Variants in EEF2 observed in about 807,000 individuals in gnomAD.
EEF2 encodes the protein eukaryotic translation elongation factor 2, also known as elongation factor 2.
EEF2 carries 21 observed loss-of-function variants against 85.3 expected under a neutral mutation model. That is an observed-to-expected ratio of 0.25 (90% CI 0.17 to 0.35). The LOEUF (loss-of-function observed/expected upper bound fraction) is 0.35, where lower values mean the gene tolerates loss of function less well. Among genes scored for constraint, EEF2 ranks in the 10% least tolerant of loss-of-function variants. EEF2 has a pLI of 1.00. For synonymous variants in EEF2, 723 were observed against 508.8 expected (o/e 1.42, Z -5.67); for missense variants, 825 against 1,225.3 (o/e 0.67, Z 4.88).
Position 3,978,079 on chromosome 19 carries a change from A to G in EEF2, c.1807T>C (p.Tyr603His), listed in dbSNP as rs966389526. ...SKSPNKHNRL[Y>H]MKARPFPDGL... ...TCGGGGAAGGGCCGCGCCTTCATGT[A>G]CAGCCGGTTGTGCTTGTTGGGGGAC... Residue 603 changes from tyrosine to histidine, a missense_variant, in exon 12 of 15, where the codon TAC (tyrosine) becomes CAC (histidine). By Grantham distance (83) the Tyr-to-His change is moderately conservative. Coordinates refer to ENST00000309311, the MANE Select transcript of EEF2 (RefSeq NM_001961.4). The G allele has an allele frequency of 3.8e-6, 6 of 1,558,836 alleles. No homozygotes were observed. Among genetic ancestry groups the G allele is most frequent in the Non-Finnish European group, 5.2e-6 (6 of 1,146,780 alleles).
At position 3,982,889 on chromosome 19, in the gene EEF2, G is replaced by A; in HGVS notation, c.530C>T (p.Thr177Ile). 1 of 1,613,736 alleles carries A rather than the reference G, an allele frequency of 6.2e-7. No individual in the cohort carries two copies. The highest frequency in any genetic ancestry group is 1.1e-5 in the South Asian group (1 of 91,070). Residue 177 changes from threonine (T) to isoleucine (I), a missense_variant, in exon 4 of 15, where the codon ACT (threonine) becomes ATT (isoleucine). Thr to Ile is a moderately conservative substitution (Grantham distance 89). Transcript: ENST00000309311. ...LQLEPEELYQ[T>I]FQRIVENVNV... ...CACGTTCTCCACGATGCGCTGGAAA[G>A]TCTGGTAGAGCTCCTCGGGCTCCAG...
intron 14 of EEF2, 107 bp from the exon 15 acceptor site, chr19:3,976,854 G>T: frequency 7.8e-7 from 1 of 1,274,288 alleles, no homozygotes; most frequent in Non-Finnish European, 1.1e-6. Flanking sequence ...TCACCCTGCA[G>T]ACCAGACACT....
chr19:3,984,318 G>T lies in EEF2; in HGVS notation c.36C>A (p.Ile12=), dbSNP rs1310643640. 1 of 1,614,212 alleles carries T rather than the reference G, an allele frequency of 6.2e-7. No individual in the cohort carries two copies. The highest frequency in any genetic ancestry group is 1.7e-5 in the Admixed American group (1 of 60,030). Residue 12 remains isoleucine (I), a synonymous_variant, in exon 2 of 15, where the codon ATC becomes ATA. Coordinates refer to ENST00000309311, the MANE Select transcript of EEF2 (RefSeq NM_001961.4). ...TGCGGATGTTGGCCTTCTTGTCCAT[G>T]ATGGCGCGGATCTGGTCTACCGTGA... ...VNFTVDQIRA[I]MDKKANIRNM...
chr19:3,982,895 T>C lies in EEF2; in HGVS notation c.524A>G (p.Tyr175Cys), dbSNP rs2039773790. The change falls in exon 4 of 15, where the codon TAC becomes TGC. Residue 175 changes from tyrosine to cysteine, a missense_variant. Transcript: ENST00000309311. The stretch of plus-strand genomic sequence containing the variant: ...CTCCACGATGCGCTGGAAAGTCTGG[T>C]AGAGCTCCTCGGGCTCCAGCTGCAG... ...LELQLEPEEL[Y>C]QTFQRIVENV... is the part of the protein sequence containing the mutation. 6.2e-7 allele frequency: 1 copy of C among 1,613,676 alleles called. No homozygotes were observed. Among genetic ancestry groups the C allele is most frequent in the Non-Finnish European group, 8.5e-7 (1 of 1,179,988 alleles).
Position 3,977,677 on chromosome 19 carries a change from A to G in EEF2, c.2068-67T>C. 1 of 1,475,630 alleles carries G rather than the reference A, an allele frequency of 6.8e-7. No homozygotes were observed. The highest frequency in any genetic ancestry group is 8.9e-7 in the Non-Finnish European group (1 of 1,118,674). 91.4% of individuals were successfully genotyped at this position (1,475,630 alleles called of 1,614,324 possible). On this transcript the variant is annotated intron_variant, in intron 12 of 14. Coordinates refer to ENST00000309311, the MANE Select transcript of EEF2 (RefSeq NM_001961.4). This position sits in a 1 kb window ranked among gnomAD's most constrained non-coding sequence, Gnocchi z 5.4. ...TCGGCTGCTTGCCCTCCACCTGCCA[A>G]GTCCTGCAGGTCTCCACCAGGGGGA...
rs1458772506 is a variant in EEF2, at chr19:3,976,450, G to A, written c.*104C>T. 2.5e-5 allele frequency: 33 copies of A among 1,344,964 alleles called. No homozygotes were observed. Among genetic ancestry groups the A allele is most frequent in the Non-Finnish European group, 2.8e-5 (28 of 986,218 alleles). 83.3% of individuals were successfully genotyped at this position (1,344,964 alleles called of 1,614,324 possible). ...GGCCCCAGAAACCTCTCAGGGGAGC[G>A]TCGCTGTGTCGGGACAGTCTCCAGG... On this transcript the variant is annotated 3_prime_UTR_variant, in exon 15 of 15. Coordinates refer to ENST00000309311, the MANE Select transcript of EEF2 (RefSeq NM_001961.4).
rs2039805192 is a variant in EEF2, at chr19:3,985,232, C to G, written c.3+146G>C. 4.4e-6 allele frequency: 4 copies of G among 904,596 alleles called. No homozygotes were observed. The South Asian group carries it at 1.4e-4, about 31-fold the overall frequency. 56.0% of individuals were successfully genotyped at this position (904,596 alleles called of 1,614,324 possible). ...GCGCGGCGCACAGACATGGCGGCGGCCGCTTCCCCAGCCCCGGGTCCTCCG... is the reference window on the plus strand; with the variant it reads ...GCGCGGCGCACAGACATGGCGGCGGGCGCTTCCCCAGCCCCGGGTCCTCCG... On this transcript the variant is annotated intron_variant, in intron 1 of 14. Coordinates refer to ENST00000309311, the MANE Select transcript of EEF2 (RefSeq NM_001961.4).
intron 6 of EEF2, among the ~76,000 whole-genome samples, chr19:3,981,721 T>A (rs753447459): frequency 7.2e-5 from 11 of 152,324 alleles, no homozygotes; most frequent in Admixed American, 1.3e-4. Context: ...AGCCACAAGT[T>A]ATTCAACCCC....
At position 3,985,439 on chromosome 19, in the gene EEF2, G is replaced by T. The variant is rs560636284; in HGVS notation, c.-59C>A. 3 of 1,449,494 alleles carry T rather than the reference G, an allele frequency of 2.1e-6. No individual in the cohort carries two copies. The highest frequency in any genetic ancestry group is 2.9e-5 in the African/African-American group (2 of 68,666). The allele number at this position is 1,449,494 out of a possible 1,614,324, so 89.8% of individuals were successfully genotyped here. A position where few individuals can be genotyped will look rare whatever the true frequency, so the allele number is the denominator to read the frequency against. The stretch of plus-strand genomic sequence containing the variant: ...ACCGAAAGAAGCGAGTCGCGCCGAG[G>T]ATGGCGGCGACGACGGCGGAAGAGA... On this transcript the variant is annotated 5_prime_UTR_variant, in exon 1 of 15. Transcript: ENST00000309311.
At chr19:3,978,249 T>A in intron 11 of EEF2, 77 bp from the exon 12 acceptor site, 1 of 1,317,958 alleles carries the variant, frequency 7.6e-7, no homozygotes, top group East Asian at 2.7e-5. Flanking sequence ...TTAAAAGCTT[T>A]TCCTAGCAAG....
In EEF2 at chr19:3,976,756, G is replaced by GGAAGC; in HGVS notation, c.2384-14_2384-10dup. 1 of 1,546,416 alleles carries GGAAGC rather than the reference G, an allele frequency of 6.5e-7. No homozygotes were observed. The highest frequency in any genetic ancestry group is 8.7e-7 in the Non-Finnish European group (1 of 1,152,546). On this transcript the variant is annotated splice_polypyrimidine_tract_variant and intron_variant, in intron 14 of 14. Coordinates refer to ENST00000309311, the MANE Select transcript of EEF2 (RefSeq NM_001961.4). ...CAGGTCAGCGGTGAAGCCTGCAGAGGGAAGCGAGAGGCTCACTGGGCCATC... is the reference window on the plus strand; with the variant it reads ...CAGGTCAGCGGTGAAGCCTGCAGAGGGAAGCGAAGCGAGAGGCTCACTGGGCCATC...
Position 3,979,941 on chromosome 19 carries a change from G to A in EEF2, c.1472C>T (p.Ala491Val). Residue 491 changes from alanine to valine, a missense_variant, in exon 10 of 15, where the codon GCG (alanine) becomes GTG (valine). By Grantham distance (64) the Ala-to-Val change is moderately conservative. Transcript: ENST00000309311. The stretch of plus-strand genomic sequence containing the variant: ...GAACTTCATCACCCGCATGTTGTGC[G>A]CGTGCTCGAAGGTGGTGATGGTGCC... Reference protein sequence around the residue: ...KTGTITTFEHAHNMRVMKFSV... With the variant: ...KTGTITTFEHVHNMRVMKFSV... 1 of 1,613,918 alleles carries A rather than the reference G, an allele frequency of 6.2e-7. No individual in the cohort carries two copies. The highest frequency in any genetic ancestry group is 8.5e-7 in the Non-Finnish European group (1 of 1,180,050).
intron 14 of EEF2, 71 bp from the exon 15 acceptor site, chr19:3,976,818 A>G (rs1296983243): frequency 5.6e-6 from 8 of 1,428,936 alleles, no homozygotes; most frequent in Non-Finnish European, 7.4e-6. Context: ...TCCTGTCAGG[A>G]GCTCAGGCTA....
At chr19:3,983,050 A>T (rs1321516740) in intron 3 of EEF2, 32 bp from the exon 4 acceptor site, 1 of 1,611,398 alleles carries the variant, frequency 6.2e-7, no homozygotes. Flanking sequence ...CGGCGCTGTC[A>T]TCCTCAAGCA....
At position 3,980,537 on chromosome 19, in the gene EEF2, G is replaced by A. The variant is rs376871954; in HGVS notation, c.1323C>T (p.Asp441=). 1.1e-4 allele frequency: 170 copies of A among 1,613,902 alleles called. No homozygotes were observed. Among genetic ancestry groups the A allele is most frequent in the South Asian group, 1.3e-4 (12 of 91,092 alleles). Residue 441 remains aspartate (D), a synonymous_variant, in exon 9 of 15, where the codon GAC becomes GAT. Transcript: ENST00000309311. The part of the protein sequence containing the change: ...GPNYTPGKKE[D]LYLKPIQRTI... ...ACCTCTGGATTGGCTTCAGGTAGAG[G>A]TCCTCCTTCTTCCCAGGGGTATAGT...
At position 3,980,919 on chromosome 19, in the gene EEF2, G is replaced by C; in HGVS notation, c.1072C>G (p.Leu358Val). 1 of 1,569,428 alleles carries C rather than the reference G, an allele frequency of 6.4e-7. No individual in the cohort carries two copies. ...DALLQMITIH[L>V]PSPVTAQKYR... is the part of the protein sequence containing the mutation. Reference sequence around the variant, plus strand: ...TTCTGGGCCGTCACAGGGGAGGGCAGGTGGATGGTGATCATCTGCAACAAG... The same window carrying C: ...TTCTGGGCCGTCACAGGGGAGGGCACGTGGATGGTGATCATCTGCAACAAG... The change falls in exon 8 of 15, where the codon CTG becomes GTG. Residue 358 changes from leucine (L) to valine (V), a missense_variant. Physicochemically the swap from Leu to Val is conservative, Grantham distance 32. Coordinates refer to ENST00000309311, the MANE Select transcript of EEF2 (RefSeq NM_001961.4).
At chr19:3,984,625 A>G (rs1295761754) in intron 1 of EEF2, among the ~76,000 whole-genome samples, 1 of 152,226 alleles carries the variant, frequency 6.6e-6, no homozygotes, top group East Asian at 1.9e-4. Context: ...CCTTGATACC[A>G]GGTACAAATA....
At position 3,980,666 on chromosome 19, in the gene EEF2, A is replaced by G; in HGVS notation, c.1194T>C (p.Ile398=). ...TGTCGGAGGTTGGCACCATTTTGGA[A>G]ATATACATCATAAGAGGGCCTTTGG... The part of the protein sequence containing the change: ...CDPKGPLMMY[I]SKMVPTSDKG... Residue 398 remains isoleucine (I), a synonymous_variant, in exon 9 of 15, where the codon ATT becomes ATC. Coordinates refer to ENST00000309311, the MANE Select transcript of EEF2 (RefSeq NM_001961.4). 6.2e-7 allele frequency: 1 copy of G among 1,614,178 alleles called. No individual in the cohort carries two copies. Among genetic ancestry groups the G allele is most frequent in the Non-Finnish European group, 8.5e-7 (1 of 1,180,018 alleles).
Position 3,978,066 on chromosome 19 carries a change from C to T in EEF2, c.1820G>A (p.Arg607Gln), listed in dbSNP as rs149757304. The T allele has an allele frequency of 6.3e-6, 10 of 1,575,650 alleles. No individual in the cohort carries two copies. The highest frequency in any genetic ancestry group is 4.0e-5 in the African/African-American group (3 of 74,192). ...NKHNRLYMKA[R>Q]PFPDGLAEDI... ...CTCGGCCAGGCCGTCGGGGAAGGGC[C>T]GCGCCTTCATGTACAGCCGGTTGTG... is the stretch of plus-strand genomic sequence containing the variant. Residue 607 changes from arginine to glutamine, a missense_variant, in exon 12 of 15, where the codon CGG (arginine) becomes CAG (glutamine). Physicochemically the swap from Arg to Gln is conservative, Grantham distance 43. Transcript: ENST00000309311.
Sources: allele counts gnomAD v4.1 joint callset (sites outside exome capture counted in the v4.1 genomes callset), GRCh38; gene constraint gnomAD v4.1.1; non-coding constraint Gnocchi (gnomAD v3.1); transcripts MANE v1.5; gene names NCBI Gene and HGNC (gene_info 2026-07-23, HGNC 2026-07-21).